The following ZNF704 variants were observed in gnomAD, a reference collection of about 807,000 sequenced individuals.
The protein encoded by ZNF704 is zinc finger protein 704, also known as glucocorticoid induced gene 1.
A neutral mutation model predicts 44.7 loss-of-function variants in ZNF704; 10 were observed. That is an observed-to-expected ratio of 0.22 (90% CI 0.14 to 0.38). The LOEUF is 0.38. ZNF704 is among the 10% of genes least tolerant of loss of function. The pLI is 1.00. For missense variants in ZNF704, 390 were observed against 545.5 expected, an observed-to-expected ratio of 0.71 and a Z score of 2.84; for synonymous variants, 211 against 207.6, an observed-to-expected ratio of 1.02 and a Z score of -0.14.
At position 80,726,792 on chromosome 8, in the gene ZNF704, C is replaced by G. The variant is rs77838617; in HGVS notation, c.222-33685G>C. On this transcript the variant is annotated intron_variant, in intron 2 of 8. Transcript: ENST00000327835. ...TCCTTGAAAGTACATCATCTAATGC[C>G]TTTACATCTTCCAATTCATGTTAAA... Among the ~76,000 whole-genome samples the G allele has an allele frequency of 3.4e-4, 51 of 151,948 alleles. No homozygotes were observed. The East Asian group carries it at 9.3e-3, about 28-fold the overall frequency.
chr8:80,845,251 T>G (rs1321566985), intron 1 of ZNF704, among the ~76,000 whole-genome samples: 1 of 152,198 alleles, frequency 6.6e-6, no homozygotes, highest in Non-Finnish European at 1.5e-5. Context: ...TCAGTTGGGC[T>G]GGGTTCAATG....
chr8:80,837,571 G>C (rs909145525), intron 1 of ZNF704, among the ~76,000 whole-genome samples: 1 of 147,230 alleles, frequency 6.8e-6, no homozygotes, highest in Admixed American at 6.7e-5. Context: ...CTGGTCCCCA[G>C]GTATGCCCGA....
At chr8:80,838,732 T>TGGAGGA (rs140901931) in intron 1 of ZNF704, among the ~76,000 whole-genome samples, 121 of 128,172 alleles carry the variant, frequency 9.4e-4, no homozygotes, top group African/African-American at 2.3e-3. Flanking sequence ...GAGCAGACAC[T>TGGAGGA]GGAGGAGGAG....
At chr8:80,856,108 C>A (rs377694561) in intron 1 of ZNF704, among the ~76,000 whole-genome samples, 89 of 152,268 alleles carry the variant, frequency 5.8e-4, no homozygotes, top group South Asian at 1.0e-3. Context: ...TAGGCACATG[C>A]TGCTGTGCTC....
At chr8:80,861,935 G>GT (rs1809068182) in intron 1 of ZNF704, among the ~76,000 whole-genome samples, 3 of 135,424 alleles carry the variant, frequency 2.2e-5, no homozygotes, top group Admixed American at 7.7e-5. Flanking sequence ...TATCCACAAA[G>GT]TTTACTAAAG....
At chr8:80,678,296 G>C (rs1818401465) in intron 4 of ZNF704, among the ~76,000 whole-genome samples, 1 of 152,154 alleles carries the variant, frequency 6.6e-6, no homozygotes, top group South Asian at 2.1e-4. Context: ...GGAGGAGGGG[G>C]CAATCGCAAA....
At chr8:80,848,815 A>G (rs932767388) in intron 1 of ZNF704, among the ~76,000 whole-genome samples, 3 of 152,300 alleles carry the variant, frequency 2.0e-5, no homozygotes, top group East Asian at 1.9e-4. Context: ...TTAAAAAAAA[A>G]AGAGATAGAT....
chr8:80,666,009 A>G (rs1818186485), intron 5 of ZNF704, among the ~76,000 whole-genome samples: 1 of 151,740 alleles, frequency 6.6e-6, no homozygotes. Context: ...ACATGTGCAC[A>G]TTGTGCAGGT....
Position 80,728,446 on chromosome 8 carries a change from G to A in ZNF704, c.222-35339C>T, listed in dbSNP as rs187354640. Among the ~76,000 whole-genome samples the A allele has an allele frequency of 1.9e-4, 29 of 152,278 alleles. No individual in the cohort carries two copies. The East Asian group carries it at 4.6e-3, about 24-fold the overall frequency. On this transcript the variant is annotated intron_variant, in intron 2 of 8. Transcript: ENST00000327835. ...TGATCAAACCTAGAATATCTTCCAC[G>A]CCTGGCATTTCTCACTGCATTAGAC... is the stretch of plus-strand genomic sequence containing the variant.
Position 80,824,864 on chromosome 8 carries a change from A to C in ZNF704, c.-21-3249T>G, listed in dbSNP as rs147402193. Among the ~76,000 whole-genome samples the C allele has an allele frequency of 3.2e-4, 48 of 152,346 alleles. 1 individual carries two copies. The East Asian group carries it at 9.2e-3, about 29-fold the overall frequency. On this transcript the variant is annotated intron_variant, in intron 1 of 8. Transcript: ENST00000327835. ...AGGGGAAATAAAATCCTTTACAAAC[A>C]AACAAATGCTGAGAGATTTTGTCAC...
chr8:80,813,686 T>G (rs1234448066), intron 2 of ZNF704, among the ~76,000 whole-genome samples: 3 of 151,960 alleles, frequency 2.0e-5, no homozygotes, highest in African/African-American at 7.3e-5. Flanking sequence ...GACCATGCTG[T>G]CTTAACACGG....
chr8:80,702,782 G>A (rs1271542583), intron 2 of ZNF704, among the ~76,000 whole-genome samples: 1 of 152,126 alleles, frequency 6.6e-6, no homozygotes, highest in Non-Finnish European at 1.5e-5. Flanking sequence ...TCCAAGGTAT[G>A]GCCGTGGGAG....
chr8:80,844,293 T>C (rs1234448048), intron 1 of ZNF704, among the ~76,000 whole-genome samples: 1 of 152,128 alleles, frequency 6.6e-6, no homozygotes, highest in Non-Finnish European at 1.5e-5. Context: ...AAGTACAAGA[T>C]CAAGGCACCA....
At chr8:80,826,363 C>T (rs1808374797) in intron 1 of ZNF704, among the ~76,000 whole-genome samples, 1 of 152,078 alleles carries the variant, frequency 6.6e-6, no homozygotes, top group South Asian at 2.1e-4. Flanking sequence ...ATATACCCTC[C>T]CAAGACTAAA....
At position 80,634,497 on chromosome 8, in the gene ZNF704, CCTGT is replaced by C. The variant is rs1317076737; in HGVS notation, c.*6865_*6868del. ...TTGAAACTGGGGGCTGCAGGCTGCA[CCTGT>C]CTGTGTACAGCTTCTCTTTGGTCTG... On this transcript the variant is annotated 3_prime_UTR_variant, in exon 9 of 9. Coordinates refer to ENST00000327835, the MANE Select transcript of ZNF704 (RefSeq NM_001033723.3). The C allele has an allele frequency of 6.6e-6, 1 of 152,260 alleles. No homozygotes were observed. Among genetic ancestry groups the C allele is most frequent in the Admixed American group, 6.5e-5 (1 of 15,284 alleles). 9.4% of individuals were successfully genotyped at this position (152,260 alleles called of 1,614,324 possible).
At chr8:80,774,092 G>A (rs913467824) in intron 2 of ZNF704, among the ~76,000 whole-genome samples, 8 of 149,806 alleles carry the variant, frequency 5.3e-5, no homozygotes, top group African/African-American at 1.2e-4. Context: ...CTGTTGCGCC[G>A]ACTGCCAAGC....
intron 2 of ZNF704, among the ~76,000 whole-genome samples, chr8:80,750,165 C>G (rs1442281703): frequency 6.6e-6 from 1 of 152,148 alleles, no homozygotes. Context: ...ACACATCCCC[C>G]CAGGCAGCTG....
intron 2 of ZNF704, among the ~76,000 whole-genome samples, chr8:80,744,395 T>C (rs1340575701): frequency 1.3e-5 from 2 of 152,186 alleles, no homozygotes; most frequent in African/African-American, 4.8e-5. Flanking sequence ...CCCAAGGTAC[T>C]ATTTGAAAAT....
rs1817711869 is a variant in ZNF704, at chr8:80,639,568, A to C, written c.*1798T>G. ...AAAATAAATGTTTTTAAAGAAAAAA[A>C]TAAATGAAGAAAAAAACCAGGATCT... On this transcript the variant is annotated 3_prime_UTR_variant, in exon 9 of 9. Coordinates refer to ENST00000327835, the MANE Select transcript of ZNF704 (RefSeq NM_001033723.3). 1.3e-5 allele frequency: 2 copies of C among 152,236 alleles called. No individual in the cohort carries two copies. Among genetic ancestry groups the C allele is most frequent in the Admixed American group, 1.3e-4 (2 of 15,284 alleles). 9.4% of individuals were successfully genotyped at this position (152,236 alleles called of 1,614,324 possible).
Sources: gnomAD v4.1 joint callset for allele counts (sites outside exome capture counted in the v4.1 genomes callset) on GRCh38, gnomAD v4.1.1 for gene constraint, MANE v1.5 for transcripts, NCBI Gene and HGNC (gene_info 2026-07-23, HGNC 2026-07-21) for gene names.